LMOD2: variants seen among roughly 807,000 people sequenced by gnomAD.
The protein encoded by LMOD2 is leiomodin 2.
In LMOD2, 27 loss-of-function variants were observed where a neutral mutation model predicts 41.7. The ratio of observed to expected loss-of-function variants is 0.65; its 90% CI spans 0.48 to 0.89. The LOEUF (loss-of-function observed/expected upper bound fraction) is 0.89. Among genes scored for constraint, LMOD2 ranks in the 40% least tolerant of loss-of-function variants. The pLI, the probability that LMOD2 is intolerant of heterozygous loss-of-function variation, is 0.00. For missense variants in LMOD2, 624 were observed against 667.9 expected, an observed-to-expected ratio of 0.93 and a Z score of 0.72; for synonymous variants, 251 against 244.6, an observed-to-expected ratio of 1.03 and a Z score of -0.25.
rs761834080 is a variant in LMOD2 at position 123,662,962 on chromosome 7, T to C, written c.1376T>C (p.Ile459Thr). 1.3e-6 allele frequency: 2 copies of C among 1,485,226 alleles called. No homozygotes were observed. Among genetic ancestry groups the C allele is most frequent in the African/African-American group, 1.4e-5 (1 of 69,628 alleles). The allele number at this position is 1,485,226 out of a possible 1,614,324, so 92.0% of individuals were successfully genotyped here. The change falls in exon 2 of 3, where the codon ATT (isoleucine) becomes ACT (threonine). Residue 459 changes from isoleucine (I) to threonine (T), a missense_variant. Ile to Thr is a moderately conservative substitution (Grantham distance 89). Coordinates refer to ENST00000458573, the MANE Select transcript of LMOD2 (RefSeq NM_207163.3). The surrounding 1 kb of genome is among the most constrained non-coding windows in gnomAD (Gnocchi z 4.0). ...LPEKKLITRN[I>T]AEVIKQQESA... is the part of the protein sequence containing the mutation. ...GAGAAAAAGCTCATTACCAGAAACA[T>C]TGCAGAAGTCATCAAACAACAGGAG...
At chr7:123,660,217 G>C (rs1272274754) in intron 1 of LMOD2, among the ~76,000 whole-genome samples, 1 of 152,016 alleles carries the variant, frequency 6.6e-6, no homozygotes, top group African/African-American at 2.4e-5. Flanking sequence ...CTTGGCTAGA[G>C]CCACACTCTT....
In LMOD2 at chr7:123,662,250, G is replaced by A. The variant is rs1344869220; in HGVS notation, c.664G>A (p.Glu222Lys). ...CACAGAAGTCAATTTGAACAACATT[G>A]AGAACATCACAACACAGACCCTTAC... ...DTTEVNLNNI[E>K]NITTQTLTRF... Residue 222 changes from glutamate (E) to lysine (K), a missense_variant, in exon 2 of 3, where the codon GAG becomes AAG. Physicochemically the swap from Glu to Lys is moderately conservative, Grantham distance 56. Transcript: ENST00000458573. The surrounding 1 kb of genome is among the most constrained non-coding windows in gnomAD (Gnocchi z 4.0). 1 of 1,613,854 alleles carries A rather than the reference G, an allele frequency of 6.2e-7. No homozygotes were observed. The highest frequency in any genetic ancestry group is 1.3e-5 in the African/African-American group (1 of 74,904).
chr7:123,656,551 T>A (rs2402668), intron 1 of LMOD2, among the ~76,000 whole-genome samples: 113,927 of 152,190 alleles, frequency 0.75, 42,965 homozygotes, highest in South Asian at 0.83. Flanking sequence ...TTGAGCTATA[T>A]GTTGGTAATG....
chr7:123,656,062 A>T lies in LMOD2; in HGVS notation c.99A>T (p.Leu33=). The T allele has an allele frequency of 6.2e-7, 1 of 1,611,880 alleles. No individual in the cohort carries two copies. The highest frequency in any genetic ancestry group is 2.2e-5 in the East Asian group (1 of 44,776). ...TGTCAGCCGAGGAGCTGAAGGAGCT[A>T]GAGAGAGAGTTGGAAGACATTGAAC... is the stretch of plus-strand genomic sequence containing the variant. ...ASLSAEELKE[L]ERELEDIEPD... The change falls in exon 1 of 3, where the codon CTA becomes CTT. Residue 33 remains leucine (L), a synonymous_variant. Transcript: ENST00000458573.
chr7:123,661,692 A>G (rs1802875760), intron 1 of LMOD2, among the ~76,000 whole-genome samples, 168 bp from the exon 2 acceptor site: 1 of 152,236 alleles, frequency 6.6e-6, no homozygotes, highest in Non-Finnish European at 1.5e-5. Flanking sequence ...TATTGCAATA[A>G]AATGTCAGCC....
At chr7:123,663,265 A>G (rs772208536) in intron 2 of LMOD2, 62 bp downstream of exon 2, 28 of 1,502,172 alleles carry the variant, frequency 1.9e-5, no homozygotes, top group East Asian at 2.5e-5. Flanking sequence ...CCTCCATTGC[A>G]TGGTGGTACC....
chr7:123,660,302 CT>C (rs1157684618), intron 1 of LMOD2, among the ~76,000 whole-genome samples: 18 of 141,018 alleles, frequency 1.3e-4, no homozygotes, highest in East Asian at 2.2e-4. Context: ...CTCTCTCTCT[CT>C]CTCCCTCTCT....
chr7:123,656,057 G>C lies in LMOD2; in HGVS notation c.94G>C (p.Glu32Gln), dbSNP rs776758727. ...CTCCCTGTCAGCCGAGGAGCTGAAG[G>C]AGCTAGAGAGAGAGTTGGAAGACAT... Reference protein sequence around the residue: ...LASLSAEELKELERELEDIEP... With the variant: ...LASLSAEELKQLERELEDIEP... The change falls in exon 1 of 3, where the codon GAG (glutamate) becomes CAG (glutamine). Residue 32 changes from glutamate to glutamine, a missense_variant. Coordinates refer to ENST00000458573, the MANE Select transcript of LMOD2 (RefSeq NM_207163.3). 2.5e-6 allele frequency: 4 copies of C among 1,611,818 alleles called. No homozygotes were observed. Among genetic ancestry groups the C allele is most frequent in the Middle Eastern group, 1.6e-4 (1 of 6,062 alleles).
Position 123,655,950 on chromosome 7 carries a change from A to T in LMOD2, c.-14A>T. 1.3e-6 allele frequency: 2 copies of T among 1,594,426 alleles called. No homozygotes were observed. Among genetic ancestry groups the T allele is most frequent in the Non-Finnish European group, 1.7e-6 (2 of 1,171,914 alleles). On this transcript the variant is annotated 5_prime_UTR_variant, in exon 1 of 3. The change abolishes the stop of an existing upstream ORF in the 5' untranslated region. Transcript: ENST00000458573. ...GTCCTTCAAGCTCCTTCTGGGTCTG[A>T]CAAAGCAGGGACCATGTCTACCTTT...
At position 123,662,869 on chromosome 7, in the gene LMOD2, C is replaced by A. The variant is rs758021724; in HGVS notation, c.1283C>A (p.Pro428His). The A allele has an allele frequency of 6.4e-7, 1 of 1,567,148 alleles. No individual in the cohort carries two copies. Among genetic ancestry groups the A allele is most frequent in the Non-Finnish European group, 8.6e-7 (1 of 1,156,878 alleles). Residue 428 changes from proline (P) to histidine (H), a missense_variant, in exon 2 of 3, where the codon CCT becomes CAT. Transcript: ENST00000458573. This position sits in a 1 kb window ranked among gnomAD's most constrained non-coding sequence, Gnocchi z 4.0. ...ACACCTCCTCCTCCTCCCCCTCCTC[C>A]TCCTCCTCCCCCTCCTTCTTCCCAA... The part of the protein sequence containing the change: ...VATPPPPPPP[P>H]PPPPPSSQRL...
At position 123,662,005 on chromosome 7, in the gene LMOD2, C is replaced by T. The variant is rs760950826; in HGVS notation, c.419C>T (p.Thr140Ile). The T allele has an allele frequency of 6.4e-7, 1 of 1,565,504 alleles. No individual in the cohort carries two copies. Among genetic ancestry groups the T allele is most frequent in the Non-Finnish European group, 8.7e-7 (1 of 1,154,282 alleles). The change falls in exon 2 of 3, where the codon ACA (threonine) becomes ATA (isoleucine). Residue 140 changes from threonine to isoleucine, a missense_variant. Physicochemically the swap from Thr to Ile is moderately conservative, Grantham distance 89. Coordinates refer to ENST00000458573, the MANE Select transcript of LMOD2 (RefSeq NM_207163.3). This position sits in a 1 kb window ranked among gnomAD's most constrained non-coding sequence, Gnocchi z 4.0. ...EEEDSDEEER[T>I]IETAKGINGT... is the part of the protein sequence containing the mutation. ...GAAGACAGTGACGAAGAGGAAAGAA[C>T]AATTGAAACTGCAAAAGGGATTAAT...
rs745939704 is a variant in LMOD2 at position 123,662,823 on chromosome 7, C to T, written c.1237C>T (p.Arg413Cys). ...LPKKVQTVRS[R>C]PLSPVATPPP... Reference sequence around the variant, plus strand: ...CAAAAAAGTCCAGACTGTGAGGAGCCGTCCTCTGTCTCCTGTGGCCACACC... The same window carrying T: ...CAAAAAAGTCCAGACTGTGAGGAGCTGTCCTCTGTCTCCTGTGGCCACACC... Residue 413 changes from arginine to cysteine, a missense_variant, in exon 2 of 3, where the codon CGT (arginine) becomes TGT (cysteine). By Grantham distance (180) the Arg-to-Cys change is radical. Transcript: ENST00000458573. This position sits in a 1 kb window ranked among gnomAD's most constrained non-coding sequence, Gnocchi z 4.0. 2.5e-5 allele frequency: 41 copies of T among 1,612,876 alleles called. No homozygotes were observed. The highest frequency in any genetic ancestry group is 1.7e-4 in the Middle Eastern group (1 of 5,856).
intron 1 of LMOD2, among the ~76,000 whole-genome samples, chr7:123,656,987 A>T (rs1203479753): frequency 6.6e-6 from 1 of 152,228 alleles, no homozygotes; most frequent in Non-Finnish European, 1.5e-5. Flanking sequence ...AAATGATAAC[A>T]CATCCTGAAA....
At chr7:123,658,662 T>A (rs1802828911) in intron 1 of LMOD2, among the ~76,000 whole-genome samples, 1 of 152,216 alleles carries the variant, frequency 6.6e-6, no homozygotes, top group African/African-American at 2.4e-5. Flanking sequence ...TTATCTCACT[T>A]CATTTTTAAC....
At chr7:123,661,580 G>A (rs553142341) in intron 1 of LMOD2, among the ~76,000 whole-genome samples, 10 of 152,110 alleles carry the variant, frequency 6.6e-5, no homozygotes, top group Admixed American at 4.6e-4. Context: ...TGATTTATTT[G>A]TTCAAATTAG....
chr7:123,661,651 AG>A (rs1802875297), intron 1 of LMOD2, among the ~76,000 whole-genome samples: 1 of 152,224 alleles, frequency 6.6e-6, no homozygotes, highest in African/African-American at 2.4e-5. Context: ...AGAAAACAAG[AG>A]AAATGTTTGT....
chr7:123,660,262 C>T (rs1802852232), intron 1 of LMOD2, among the ~76,000 whole-genome samples: 1 of 151,898 alleles, frequency 6.6e-6, no homozygotes, highest in South Asian at 2.1e-4. Context: ...TTGCAGCCAG[C>T]TGCCACCAAA....
chr7:123,657,707 C>T (rs971399161), intron 1 of LMOD2, among the ~76,000 whole-genome samples: 6 of 150,284 alleles, frequency 4.0e-5, no homozygotes, highest in Non-Finnish European at 5.9e-5. Context: ...TATGCTGGCT[C>T]ACGCCTATAA....
chr7:123,657,811 C>CAAAA (rs1009900124), intron 1 of LMOD2, among the ~76,000 whole-genome samples: 21 of 35,920 alleles, frequency 5.8e-4, no homozygotes, highest in Middle Eastern at 0.024. Context: ...CTCATCTCTA[C>CAAAA]AAAAAAAAAA....
Sources: gnomAD v4.1 joint callset for allele counts (sites outside exome capture counted in the v4.1 genomes callset) on GRCh38, gnomAD v4.1.1 for gene constraint, Gnocchi (gnomAD v3.1) non-coding constraint, MANE v1.5 for transcripts, NCBI Gene and HGNC (gene_info 2026-07-23, HGNC 2026-07-21) for gene names.